ATP12A: variants seen among roughly 807,000 people sequenced by gnomAD.
The protein encoded by ATP12A is potassium-transporting ATPase alpha chain 2.
In ATP12A, 81 loss-of-function variants were observed where a neutral mutation model predicts 111.2. That is an observed-to-expected ratio of 0.73 (90% CI 0.61 to 0.88). The LOEUF (loss-of-function observed/expected upper bound fraction) is 0.88, where lower values mean the gene tolerates loss of function less well. ATP12A is among the 40% of genes least tolerant of loss of function. ATP12A has a pLI of 0.00. For missense variants in ATP12A, 1,196 were observed against 1,313.1 expected, an observed-to-expected ratio of 0.91 and a Z score of 1.38; for synonymous variants, 498 against 499.8, an observed-to-expected ratio of 1.00 and a Z score of 0.05.
chr13:24,708,604 A>G (rs1004965545), intron 17 of ATP12A, among the ~76,000 whole-genome samples: 1 of 152,110 alleles, frequency 6.6e-6, no homozygotes, highest in Non-Finnish European at 1.5e-5. Context: ...CACTCTGGGC[A>G]CTGGTGGACA....
chr13:24,700,751 C>T lies in ATP12A; in HGVS notation c.1710C>T (p.Phe570=). The T allele has an allele frequency of 6.2e-7, 1 of 1,613,402 alleles. No individual in the cohort carries two copies. Among genetic ancestry groups the T allele is most frequent in the Non-Finnish European group, 8.5e-7 (1 of 1,179,534 alleles). Residue 570 remains phenylalanine (F), a synonymous_variant, in exon 13 of 23, where the codon TTC becomes TTT. Transcript: ENST00000381946. Reference sequence around the variant, plus strand: ...ACTAATTCATCTGTATTACAGGTTTCTGTCATCTCTACCTGCCAGCAGACG... The same window carrying T: ...ACTAATTCATCTGTATTACAGGTTTTTGTCATCTCTACCTGCCAGCAGACG... ...LGGLGERVLG[F]CHLYLPADEF...
At chr13:24,708,916 A>AGAAAG (rs2137722855) in intron 17 of ATP12A, among the ~76,000 whole-genome samples, 2 of 122,196 alleles carry the variant, frequency 1.6e-5, no homozygotes, top group African/African-American at 6.9e-5. Flanking sequence ...AAAGAAAGAA[A>AGAAAG]GAAAGAAAGA....
chr13:24,702,106 T>A, intron 14 of ATP12A, 35 bp downstream of exon 14: 1 of 1,613,474 alleles, frequency 6.2e-7, no homozygotes, highest in Admixed American at 1.7e-5. Context: ...AAATTCCAGT[T>A]TATACCCATG....
chr13:24,687,955 C>G (rs927649520), intron 3 of ATP12A, among the ~76,000 whole-genome samples: 5 of 152,194 alleles, frequency 3.3e-5, no homozygotes, highest in African/African-American at 4.8e-5. Flanking sequence ...CACGTTGAAC[C>G]TGGTCGCTAC....
At chr13:24,686,825 G>A (rs933041738) in intron 3 of ATP12A, among the ~76,000 whole-genome samples, 12 of 152,106 alleles carry the variant, frequency 7.9e-5, no homozygotes, top group African/African-American at 2.9e-4. Flanking sequence ...AGGACTTGCG[G>A]GGATTTTTAT....
Position 24,711,738 on chromosome 13 carries a change from A to ATC in ATP12A, c.*219_*220dup. The ATC allele has an allele frequency of 1.6e-6, 1 of 614,520 alleles. No individual in the cohort carries two copies. The highest frequency in any genetic ancestry group is 2.8e-6 in the Non-Finnish European group (1 of 352,640). 38.1% of individuals were successfully genotyped at this position (614,520 alleles called of 1,614,324 possible). On this transcript the variant is annotated 3_prime_UTR_variant, in exon 23 of 23. Coordinates refer to ENST00000381946, the MANE Select transcript of ATP12A (RefSeq NM_001676.7). ...ATATAGGATTTTCTTTTCTATCTCCATCTCCTCATTAAAAAATACGTACAT... is the reference window on the plus strand; with the variant it reads ...ATATAGGATTTTCTTTTCTATCTCCATCTCTCCTCATTAAAAAATACGTACAT...
intron 4 of ATP12A, 68 bp from the exon 5 acceptor site, chr13:24,689,194 C>A: frequency 1.6e-6 from 2 of 1,268,948 alleles, no homozygotes; most frequent in Non-Finnish European, 2.3e-6. Flanking sequence ...CCGTGGAGAG[C>A]TCTAGCCCCA....
intron 13 of ATP12A, among the ~76,000 whole-genome samples, chr13:24,701,592 T>A (rs1875400467): frequency 6.6e-6 from 1 of 151,664 alleles, no homozygotes; most frequent in African/African-American, 2.4e-5. Flanking sequence ...TCAGCCCCCA[T>A]AATCCATGTT....
Position 24,685,480 on chromosome 13 carries a change from G to A in ATP12A, c.228+107G>A. On this transcript the variant is annotated intron_variant, in intron 3 of 22. Coordinates refer to ENST00000381946, the MANE Select transcript of ATP12A (RefSeq NM_001676.7). The surrounding 1 kb of genome is among the most constrained non-coding windows in gnomAD (Gnocchi z 5.5). ...GGAAGAGTAGCGGCACCTTTAGGAG[G>A]AGGGGCCCCTGCAGCGCCTTTGAGA... 1 of 1,175,860 alleles carries A rather than the reference G, an allele frequency of 8.5e-7. No individual in the cohort carries two copies. Among genetic ancestry groups the A allele is most frequent in the Non-Finnish European group, 1.3e-6 (1 of 787,658 alleles). 72.8% of individuals were successfully genotyped at this position (1,175,860 alleles called of 1,614,324 possible).
rs770558331 is a variant in ATP12A, at chr13:24,710,911, A to G, written c.2999+18A>G. The G allele has an allele frequency of 1.2e-6, 2 of 1,604,176 alleles. No homozygotes were observed. Among genetic ancestry groups the G allele is most frequent in the Non-Finnish European group, 1.7e-6 (2 of 1,171,150 alleles). On this transcript the variant is annotated intron_variant, in intron 21 of 22. Coordinates refer to ENST00000381946, the MANE Select transcript of ATP12A (RefSeq NM_001676.7). ...ATGCTTAGGTGAGTTCACCCTCAAC[A>G]GCATGGAGGAAAGAGCCAGCCTCTG...
chr13:24,696,230 T>A (rs1875145509), intron 11 of ATP12A, among the ~76,000 whole-genome samples: 1 of 152,078 alleles, frequency 6.6e-6, no homozygotes, highest in South Asian at 2.1e-4. Flanking sequence ...GTGCCGCGCA[T>A]CAGTGCACAG....
At chr13:24,706,132 C>G (rs1566077147) in intron 14 of ATP12A, among the ~76,000 whole-genome samples, 181 bp from the exon 15 acceptor site, 1 of 152,198 alleles carries the variant, frequency 6.6e-6, no homozygotes, top group Non-Finnish European at 1.5e-5. Context: ...CCTCAGTTTG[C>G]CCTCTTGAAA....
intron 2 of ATP12A, among the ~76,000 whole-genome samples, chr13:24,682,692 G>A (rs1445004496): frequency 6.6e-6 from 1 of 152,202 alleles, no homozygotes; most frequent in East Asian, 1.9e-4. Context: ...AAACCTCATG[G>A]AAAAGCAGTT....
At chr13:24,701,411 G>C (rs1233119800) in intron 13 of ATP12A, among the ~76,000 whole-genome samples, 2 of 147,290 alleles carry the variant, frequency 1.4e-5, no homozygotes, top group Non-Finnish European at 3.0e-5. Flanking sequence ...TGAGGCAGGA[G>C]AATCTCTTGA....
intron 14 of ATP12A, 145 bp from the exon 15 acceptor site, chr13:24,706,168 C>T (rs1593142999): frequency 2.9e-6 from 3 of 1,047,410 alleles, no homozygotes; most frequent in East Asian, 5.1e-5. Context: ...TCCCAGGACT[C>T]CTGTTACCTC....
intron 3 of ATP12A, among the ~76,000 whole-genome samples, chr13:24,686,556 C>A (rs1374439621): frequency 1.3e-5 from 2 of 151,108 alleles, no homozygotes; most frequent in Non-Finnish European, 3.0e-5. Flanking sequence ...CTGGCTAACA[C>A]GGTGAAACCC....
rs1301297307 is a variant in ATP12A at position 24,700,821 on chromosome 13, C to T, written c.1780C>T (p.Pro594Ser). Residue 594 changes from proline (P) to serine (S), a missense_variant, in exon 13 of 23, where the codon CCG (proline) becomes TCG (serine). Pro to Ser is a moderately conservative substitution (Grantham distance 74). Coordinates refer to ENST00000381946, the MANE Select transcript of ATP12A (RefSeq NM_001676.7). The part of the protein sequence containing the change: ...YSFDIDAMNF[P>S]TSNLCFVGLL... ...ATTTGACATAGACGCTATGAACTTT[C>T]CGACCTCCAACCTCTGTTTTGTGGG... 1.9e-6 allele frequency: 3 copies of T among 1,614,046 alleles called. No individual in the cohort carries two copies. In the African/African-American group the frequency reaches 4.0e-5, roughly 22 times the overall value.
chr13:24,689,473 C>G, intron 5 of ATP12A, 98 bp downstream of exon 5: 3 of 1,010,666 alleles, frequency 3.0e-6, no homozygotes, highest in Non-Finnish European at 4.5e-6. Flanking sequence ...CGGGTTTCCA[C>G]TTCCTTCCCT....
At position 24,680,598 on chromosome 13, in the gene ATP12A, G is replaced by A; in HGVS notation, c.-146G>A. The A allele has an allele frequency of 9.5e-6, 9 of 944,262 alleles. No homozygotes were observed. Among genetic ancestry groups the A allele is most frequent in the Non-Finnish European group, 1.4e-5 (9 of 660,464 alleles). The allele number at this position is 944,262 out of a possible 1,614,324, so 58.5% of individuals were successfully genotyped here. On this transcript the variant is annotated 5_prime_UTR_variant, in exon 1 of 23. Transcript: ENST00000381946. ...CGATCGGCCGCGGAGGTGCGTGCAG[G>A]GCCCGCGCCGCCGCCGGTATCTCCA...
Sources: allele counts gnomAD v4.1 joint callset (sites outside exome capture counted in the v4.1 genomes callset), GRCh38; gene constraint gnomAD v4.1.1; non-coding constraint Gnocchi (gnomAD v3.1); transcripts MANE v1.5; gene names NCBI Gene and HGNC (gene_info 2026-07-23, HGNC 2026-07-21).